Variants in RCAN1 observed in about 807,000 individuals in gnomAD.
The protein encoded by RCAN1 is calcipressin-1.
In RCAN1, 11 loss-of-function variants were observed where a neutral mutation model predicts 22.9. The ratio of observed to expected loss-of-function variants is 0.48; its 90% CI spans 0.30 to 0.79. RCAN1 has a LOEUF of 0.79. RCAN1 is among the 30% of genes least tolerant of loss of function. RCAN1 has a pLI of 0.06. For missense variants in RCAN1, 291 were observed against 337.8 expected (o/e 0.86, Z 1.09); for synonymous variants, 136 against 142.3 (o/e 0.96, Z 0.32).
At chr21:34,539,272 A>G (rs1347639312) in intron 1 of RCAN1, among the ~76,000 whole-genome samples, 1 of 152,238 alleles carries the variant, frequency 6.6e-6, no homozygotes, top group Non-Finnish European at 1.5e-5. Flanking sequence ...AATAAAATAC[A>G]TCAAGATCCG....
intron 1 of RCAN1, among the ~76,000 whole-genome samples, chr21:34,588,708 G>A (rs1568925121): frequency 6.6e-6 from 1 of 152,158 alleles, no homozygotes; most frequent in Non-Finnish European, 1.5e-5. Flanking sequence ...TTGAAAGCAG[G>A]GTCCTGACGA....
At chr21:34,542,710 G>A (rs1985968668) in intron 1 of RCAN1, among the ~76,000 whole-genome samples, 1 of 152,204 alleles carries the variant, frequency 6.6e-6, no homozygotes, top group Admixed American at 6.5e-5. Context: ...ACATTTCTGC[G>A]ATGGGCAGAA....
Position 34,570,229 on chromosome 21 carries a change from G to A in RCAN1, c.252+44531C>T, listed in dbSNP as rs752249066. ...GGCCTTTCCTTTCTAAAGATGTAGA[G>A]GTTAAAAACTGTTATAGGTAAAATA... On this transcript the variant is annotated intron_variant, in intron 1 of 3. Coordinates refer to ENST00000313806, the MANE Select transcript of RCAN1 (RefSeq NM_004414.7). Among the ~76,000 whole-genome samples, 4 of 152,268 alleles carry A rather than the reference G, an allele frequency of 2.6e-5. No homozygotes were observed. In the South Asian group the frequency reaches 8.3e-4, roughly 32 times the overall value.
chr21:34,557,696 G>C (rs1032638797), intron 1 of RCAN1, among the ~76,000 whole-genome samples: 15 of 152,216 alleles, frequency 9.9e-5, no homozygotes, highest in African/African-American at 3.1e-4. Context: ...ATACTTGAAA[G>C]ATGAGAAAGG....
intron 1 of RCAN1, among the ~76,000 whole-genome samples, chr21:34,535,400 C>CCT (rs1985622357): frequency 7.9e-6 from 1 of 126,454 alleles, no homozygotes. Context: ...AAACACATAA[C>CCT]CTTTTTTTTT....
At chr21:34,519,352 C>T (rs907520548) in intron 3 of RCAN1, among the ~76,000 whole-genome samples, 4 of 150,614 alleles carry the variant, frequency 2.7e-5, no homozygotes, top group Non-Finnish European at 5.9e-5. Context: ...GGGCTTTGTG[C>T]TTGGGATTTC....
At chr21:34,558,245 G>C (rs1331812799) in intron 1 of RCAN1, among the ~76,000 whole-genome samples, 1 of 152,138 alleles carries the variant, frequency 6.6e-6, no homozygotes, top group Non-Finnish European at 1.5e-5. Context: ...TCTGCAGCTG[G>C]GGTGCCCTGC....
chr21:34,535,830 A>C (rs578258367), intron 1 of RCAN1, among the ~76,000 whole-genome samples: 1 of 151,860 alleles, frequency 6.6e-6, no homozygotes, highest in South Asian at 2.1e-4. Flanking sequence ...AATGCTAAAG[A>C]CTTTTTTTTT....
intron 1 of RCAN1, among the ~76,000 whole-genome samples, chr21:34,582,100 A>G (rs1476893046): frequency 1.3e-5 from 2 of 152,154 alleles, no homozygotes; most frequent in Middle Eastern, 3.2e-3. Context: ...TATGCTCATT[A>G]CCAAAGGCAG....
intron 1 of RCAN1, among the ~76,000 whole-genome samples, chr21:34,613,131 T>A (rs988380072): frequency 3.3e-5 from 5 of 152,214 alleles, no homozygotes; most frequent in African/African-American, 1.2e-4. Flanking sequence ...AAAGCCTGAA[T>A]GAACCAATGC....
intron 2 of RCAN1, chr21:34,523,101 C>T (rs1482005305): frequency 6.5e-6 from 1 of 154,190 alleles, no homozygotes; most frequent in African/African-American, 2.4e-5. Context: ...CTTCTGCAGA[C>T]TCCTGTTTCT....
chr21:34,523,792 T>C (rs1984797026), intron 1 of RCAN1, 82 bp from the exon 2 acceptor site: 6 of 1,255,740 alleles, frequency 4.8e-6, no homozygotes, highest in Middle Eastern at 2.6e-4. Context: ...TACTTTTTTT[T>C]TTTTCTTCGA....
chr21:34,530,014 A>G (rs2123600000), intron 1 of RCAN1, among the ~76,000 whole-genome samples: 1 of 152,342 alleles, frequency 6.6e-6, no homozygotes, highest in Admixed American at 6.5e-5. Context: ...AGGCCTCCCC[A>G]GCCATGTGGA....
chr21:34,561,826 G>A (rs768890666), intron 1 of RCAN1, among the ~76,000 whole-genome samples: 10 of 152,114 alleles, frequency 6.6e-5, no homozygotes, highest in African/African-American at 2.4e-5. Context: ...TCAGGGCCAC[G>A]GTGGTCCCAC....
At chr21:34,603,799 G>T (rs79324631) in intron 1 of RCAN1, among the ~76,000 whole-genome samples, 14,858 of 152,252 alleles carry the variant, frequency 0.098, 766 homozygotes, top group African/African-American at 0.11. Context: ...GGCACAAGTG[G>T]TAAGTGCTAA....
At chr21:34,564,458 G>T (rs1986930622) in intron 1 of RCAN1, among the ~76,000 whole-genome samples, 1 of 152,142 alleles carries the variant, frequency 6.6e-6, no homozygotes, top group Non-Finnish European at 1.5e-5. Flanking sequence ...GCGATTTGGG[G>T]GAAGACTGCC....
At chr21:34,548,856 A>C (rs1365280710) in intron 1 of RCAN1, among the ~76,000 whole-genome samples, 1 of 152,242 alleles carries the variant, frequency 6.6e-6, no homozygotes, top group African/African-American at 2.4e-5. Context: ...TATTGTAAAC[A>C]AAGCAAAGGA....
rs915521613 is a variant in RCAN1 at position 34,565,978 on chromosome 21, G to A, written c.253-42268C>T. 6.6e-5 allele frequency among the ~76,000 whole-genome samples: 10 copies of A among 152,146 alleles called. 1 individual carries two copies. The highest frequency in any genetic ancestry group is 1.3e-4 in the Admixed American group (2 of 15,276). On this transcript the variant is annotated intron_variant, in intron 1 of 3. Transcript: ENST00000313806. ...TGTCGGGGCTGGAGACTACGTTCAC[G>A]CAGGAACACTTTCCGTCACCTGCTG...
chr21:34,590,230 T>C (rs1987928168), intron 1 of RCAN1, among the ~76,000 whole-genome samples: 1 of 152,170 alleles, frequency 6.6e-6, no homozygotes, highest in Non-Finnish European at 1.5e-5. Flanking sequence ...CCATTATTGT[T>C]TACCACAGCC....
Sources: allele counts gnomAD v4.1 joint callset (sites outside exome capture counted in the v4.1 genomes callset), GRCh38; gene constraint gnomAD v4.1.1; transcripts MANE v1.5; gene names NCBI Gene and HGNC (gene_info 2026-07-23, HGNC 2026-07-21).